Variants in PCNT observed in about 807,000 individuals in gnomAD.
PCNT encodes kendrin.
In PCNT, 319 loss-of-function variants were observed where a neutral mutation model predicts 380.4. That is an observed-to-expected ratio of 0.84 (90% CI 0.77 to 0.92). The LOEUF (loss-of-function observed/expected upper bound fraction) is 0.92, where lower values mean the gene tolerates loss of function less well. Ranked by LOEUF, PCNT falls within the 40% of genes least tolerant of loss-of-function variation. The probability of loss-of-function intolerance (pLI) is 0.00; values close to 1 mark genes in which losing one functional copy is unlikely to be tolerated. For missense variants in PCNT, 4,400 were observed against 4,255.3 expected, an observed-to-expected ratio of 1.03 and a Z score of -0.95; for synonymous variants, 1,845 against 1,735.2, an observed-to-expected ratio of 1.06 and a Z score of -1.57.
At chr21:46,331,318 A>G (rs893580128) in intron 2 of PCNT, among the ~76,000 whole-genome samples, 6 of 151,958 alleles carry the variant, frequency 3.9e-5, no homozygotes, top group Non-Finnish European at 8.8e-5. Context: ...CGCTGTGCCC[A>G]GCTGATATAA....
intron 8 of PCNT, among the ~76,000 whole-genome samples, chr21:46,351,163 G>T (rs186021353): frequency 1.2e-4 from 18 of 152,252 alleles, no homozygotes; most frequent in Admixed American, 3.9e-4. Context: ...GAACCTGGCC[G>T]TGCCACCTCC....
At chr21:46,393,174 A>C (rs931805461) in intron 21 of PCNT, among the ~76,000 whole-genome samples, 6 of 152,040 alleles carry the variant, frequency 3.9e-5, no homozygotes, top group East Asian at 1.9e-4. Context: ...CCACAGGGGG[A>C]GTGCGGGGGA....
intron 21 of PCNT, among the ~76,000 whole-genome samples, chr21:46,393,607 T>A (rs1027375517): frequency 3.9e-5 from 6 of 152,166 alleles, no homozygotes; most frequent in African/African-American, 1.4e-4. Flanking sequence ...GTCACTTCGT[T>A]TGTCAGGCCT....
At position 46,357,186 on chromosome 21, in the gene PCNT, GAGA is replaced by G. The variant is rs1441633738; in HGVS notation, c.2152_2154del (p.Lys718del). On this transcript the variant is annotated inframe_deletion and splice_region_variant, in exon 13 of 47. Transcript: ENST00000359568. ...TGAAACTCGTCTGAAGGACGATTTG[GAGA>G]AGGTGAGTCGTGACTCCACAGCCCA... is the stretch of plus-strand genomic sequence containing the variant. 2.5e-6 allele frequency: 4 copies of G among 1,607,170 alleles called. No individual in the cohort carries two copies. Among genetic ancestry groups the G allele is most frequent in the Non-Finnish European group, 3.4e-6 (4 of 1,173,752 alleles).
At chr21:46,419,920 T>C (rs1204426248) in intron 31 of PCNT, among the ~76,000 whole-genome samples, 1 of 152,170 alleles carries the variant, frequency 6.6e-6, no homozygotes, top group Non-Finnish European at 1.5e-5. Flanking sequence ...CCCTCTTTTT[T>C]AAGGAAACAT....
At chr21:46,327,750 G>A (rs1383575039) in intron 2 of PCNT, among the ~76,000 whole-genome samples, 3 of 152,250 alleles carry the variant, frequency 2.0e-5, no homozygotes, top group African/African-American at 7.2e-5. Context: ...AAATGCACCT[G>A]CTTGTCACAT....
chr21:46,333,831 C>T (rs1483390875), intron 2 of PCNT, among the ~76,000 whole-genome samples: 6 of 146,830 alleles, frequency 4.1e-5, no homozygotes, highest in Non-Finnish European at 7.5e-5. Context: ...AGCAAGACTC[C>T]GTCTCAAAAA....
chr21:46,416,717 T>C lies in PCNT; in HGVS notation c.6799T>C (p.Ser2267Pro), dbSNP rs1344945821. The C allele has an allele frequency of 1.3e-5, 20 of 1,578,674 alleles. No homozygotes were observed. Among genetic ancestry groups the C allele is most frequent in the Non-Finnish European group, 1.7e-5 (20 of 1,160,264 alleles). The change falls in exon 30 of 47, where the codon TCG becomes CCG. Residue 2267 changes from serine to proline, a missense_variant. Ser to Pro is a moderately conservative substitution (Grantham distance 74, BLOSUM62 -1). Coordinates refer to ENST00000359568, the MANE Select transcript of PCNT (RefSeq NM_006031.6). Reference sequence around the variant, plus strand: ...ATCCCTGGGGGACAGGGCGGACACCTCGCTGCCACAGACCCAGGGGCCGGG... The same window carrying C: ...ATCCCTGGGGGACAGGGCGGACACCCCGCTGCCACAGACCCAGGGGCCGGG... ...DTSLGDRADTSLPQTQGPGLL... is the reference protein window; with the variant it reads ...DTSLGDRADTPLPQTQGPGLL...
chr21:46,416,325 G>A lies in PCNT; in HGVS notation c.6407G>A (p.Gly2136Glu), dbSNP rs2147772018. 1 of 1,613,768 alleles carries A rather than the reference G, an allele frequency of 6.2e-7. No homozygotes were observed. The highest frequency in any genetic ancestry group is 8.5e-7 in the Non-Finnish European group (1 of 1,179,794). ...IDTCDANTAT[G>E]GVTDVIKNQA... ...ACATGTGATGCCAATACAGCCACGG[G>A]GGGTGTAACTGATGTTATCAAAAAT... The change falls in exon 30 of 47, where the codon GGG becomes GAG. Residue 2136 changes from glycine to glutamate, a missense_variant. Gly to Glu is a moderately conservative substitution (Grantham distance 98). Coordinates refer to ENST00000359568, the MANE Select transcript of PCNT (RefSeq NM_006031.6).
chr21:46,389,129 G>A (rs1300026966), intron 18 of PCNT, 70 bp from the exon 19 acceptor site: 24 of 1,486,568 alleles, frequency 1.6e-5, no homozygotes, highest in East Asian at 4.6e-5. Flanking sequence ...CTTCCTTGTC[G>A]TCTTGGCTGC....
chr21:46,441,138 C>T (rs745456646), intron 43 of PCNT, 54 bp downstream of exon 43: 37 of 1,059,602 alleles, frequency 3.5e-5, no homozygotes, highest in Non-Finnish European at 4.7e-5. Flanking sequence ...CGTGAGTGGG[C>T]AGCACACTGC....
At chr21:46,423,092 A>C (rs2087324129) in intron 32 of PCNT, among the ~76,000 whole-genome samples, 1 of 152,080 alleles carries the variant, frequency 6.6e-6, no homozygotes, top group Non-Finnish European at 1.5e-5. Context: ...GTCAGAACTG[A>C]GTCAGTTAAA....
At chr21:46,435,001 C>T (rs1026034290) in intron 38 of PCNT, among the ~76,000 whole-genome samples, 3 of 152,104 alleles carry the variant, frequency 2.0e-5, no homozygotes, top group East Asian at 3.9e-4. Context: ...ACGATGGAAA[C>T]GCTTTTACCA....
At chr21:46,370,886 T>C (rs2085099648) in intron 15 of PCNT, among the ~76,000 whole-genome samples, 1 of 152,108 alleles carries the variant, frequency 6.6e-6, no homozygotes, top group South Asian at 2.1e-4. Context: ...ATACAAAAAA[T>C]TAGACAGGCA....
intron 10 of PCNT, 22 bp downstream of exon 10, chr21:46,353,348 T>A: frequency 5.0e-6 from 8 of 1,594,624 alleles, no homozygotes; most frequent in Non-Finnish European, 6.9e-6. Flanking sequence ...AGTTCCAGCC[T>A]CAGTGAGTTT....
rs61735812 is a variant in PCNT, at chr21:46,416,657, C to T, written c.6739C>T (p.His2247Tyr). 16,497 of 1,563,558 alleles carry T rather than the reference C, an allele frequency of 0.011. 127 individuals carry two copies. The highest frequency in any genetic ancestry group is 0.027 in the African/African-American group (1,972 of 73,622). Residue 2247 changes from histidine (H) to tyrosine (Y), a missense_variant, in exon 30 of 47, where the codon CAC (histidine) becomes TAC (tyrosine). Transcript: ENST00000359568. ...CTGGCCCAGCCTCCCCGTGACACCC[C>T]ACTCAGGAGCCCTGAGCCTGTGCAG... is the stretch of plus-strand genomic sequence containing the variant. ...EPWPSLPVTP[H>Y]SGALSLCSAD...
At chr21:46,391,780 T>C (rs768700385) in intron 21 of PCNT, among the ~76,000 whole-genome samples, 2 of 152,274 alleles carry the variant, frequency 1.3e-5, no homozygotes, top group Non-Finnish European at 2.9e-5. Context: ...TATTAGTTTG[T>C]ATCTTTTCAG....
intron 27 of PCNT, among the ~76,000 whole-genome samples, chr21:46,410,122 CCG>C (rs2086737877): frequency 6.6e-6 from 1 of 152,244 alleles, no homozygotes; most frequent in Non-Finnish European, 1.5e-5. Context: ...ACGGCCGGTG[CCG>C]CACACAGTAA....
At chr21:46,435,860 C>T (rs2053426551) in intron 38 of PCNT, 44 bp from the exon 39 acceptor site, 1 of 1,613,068 alleles carries the variant, frequency 6.2e-7, no homozygotes, top group Non-Finnish European at 8.5e-7. Context: ...TGTTTTTGGA[C>T]ACTGACGTGA....
Sources: allele counts gnomAD v4.1 joint callset (sites outside exome capture counted in the v4.1 genomes callset), GRCh38; gene constraint gnomAD v4.1.1; transcripts MANE v1.5; gene names NCBI Gene and HGNC (gene_info 2026-07-23, HGNC 2026-07-21).